CRTC3: variants seen among roughly 807,000 people sequenced by gnomAD.
CRTC3 encodes the protein CREB regulated transcription coactivator 3.
A neutral mutation model predicts 74.5 loss-of-function variants in CRTC3; 26 were observed. The ratio of observed to expected loss-of-function variants is 0.35; its 90% CI spans 0.26 to 0.48. The LOEUF is 0.48. CRTC3 is among the 20% of genes least tolerant of loss of function. CRTC3 has a pLI of 0.99. For synonymous variants in CRTC3, 377 were observed against 325.8 expected (o/e 1.16, Z -1.69); for missense variants, 760 against 787.3 (o/e 0.97, Z 0.41).
chr15:90,561,323 A>C (rs930674740), intron 2 of CRTC3, among the ~76,000 whole-genome samples: 2 of 152,224 alleles, frequency 1.3e-5, no homozygotes, highest in African/African-American at 2.4e-5. Flanking sequence ...ACCTAGGCCT[A>C]GAGAACTAAG....
At chr15:90,607,503 C>A in intron 6 of CRTC3, 25 bp downstream of exon 6, 2 of 1,390,088 alleles carry the variant, frequency 1.4e-6, no homozygotes, top group Non-Finnish European at 2.0e-6. Context: ...CCACTGCTGA[C>A]AGCAGCTGTG....
At chr15:90,612,649 C>A (rs1249030036) in intron 6 of CRTC3, among the ~76,000 whole-genome samples, 2 of 151,826 alleles carry the variant, frequency 1.3e-5, no homozygotes, top group African/African-American at 2.4e-5. Flanking sequence ...TAGTTTTTAA[C>A]AGGATAGTCA....
chr15:90,532,760 G>A (rs1966647867), intron 1 of CRTC3, among the ~76,000 whole-genome samples: 1 of 152,196 alleles, frequency 6.6e-6, no homozygotes, highest in South Asian at 2.1e-4. Flanking sequence ...AGGAGGAGGA[G>A]TTGAGTGGTG....
intron 1 of CRTC3, among the ~76,000 whole-genome samples, chr15:90,538,346 C>T (rs1265928497): frequency 6.6e-6 from 1 of 152,036 alleles, no homozygotes; most frequent in Non-Finnish European, 1.5e-5. Context: ...CCATGTCGTC[C>T]TCCTCATGTT....
chr15:90,552,303 C>T (rs951586452), intron 2 of CRTC3, among the ~76,000 whole-genome samples: 2 of 152,196 alleles, frequency 1.3e-5, no homozygotes, highest in Non-Finnish European at 2.9e-5. Context: ...GCTGCTCTGC[C>T]TTAAGCCACA....
At chr15:90,546,874 C>G (rs1017425689) in intron 2 of CRTC3, among the ~76,000 whole-genome samples, 2 of 152,180 alleles carry the variant, frequency 1.3e-5, no homozygotes, top group Non-Finnish European at 2.9e-5. Context: ...CCACCCGCCT[C>G]GGCCTCCCAG....
At chr15:90,612,058 G>GCCTCCA (rs1968373030) in intron 6 of CRTC3, among the ~76,000 whole-genome samples, 1 of 15,598 alleles carries the variant, frequency 6.4e-5, no homozygotes, top group African/African-American at 2.4e-4. Context: ...CTCCTCCTCC[G>GCCTCCA]CCTCCACCTC....
intron 2 of CRTC3, among the ~76,000 whole-genome samples, chr15:90,541,779 ATTCTTTTT>A (rs1268223421): frequency 1.9e-5 from 2 of 105,192 alleles, no homozygotes; most frequent in Non-Finnish European, 3.8e-5. Flanking sequence ...CCTTCCCAGG[ATTCTTTTT>A]TTCTTTTTTT....
At chr15:90,555,451 T>C (rs1171970902) in intron 2 of CRTC3, among the ~76,000 whole-genome samples, 2 of 152,172 alleles carry the variant, frequency 1.3e-5, no homozygotes, top group Admixed American at 6.5e-5. Context: ...TATGATAGAC[T>C]AGGAGGATAT....
intron 2 of CRTC3, among the ~76,000 whole-genome samples, chr15:90,584,117 A>C (rs1370363579): frequency 2.6e-5 from 4 of 152,092 alleles, no homozygotes; most frequent in African/African-American, 7.2e-5. Context: ...TGTCCTTTTT[A>C]AAAGAGGGGG....
At chr15:90,566,883 G>A (rs1967135348) in intron 2 of CRTC3, among the ~76,000 whole-genome samples, 1 of 151,884 alleles carries the variant, frequency 6.6e-6, no homozygotes, top group Non-Finnish European at 1.5e-5. Flanking sequence ...GCTAATTTTT[G>A]TATTTTTAGC....
Position 90,609,126 on chromosome 15 carries a change from G to T in CRTC3, c.577+1648G>T, listed in dbSNP as rs150825894. Among the ~76,000 whole-genome samples the T allele has an allele frequency of 2.7e-3, 409 of 152,294 alleles. 1 individual carries two copies. Among genetic ancestry groups the T allele is most frequent in the African/African-American group, 8.3e-3 (346 of 41,564 alleles). On this transcript the variant is annotated intron_variant, in intron 6 of 14. Coordinates refer to ENST00000268184, the MANE Select transcript of CRTC3 (RefSeq NM_022769.5). Reference sequence around the variant, plus strand: ...GCAGGGATAGTACTGAATAATAATTGTTGCTATATTTGTTCTATTGGTGCA... The same window carrying T: ...GCAGGGATAGTACTGAATAATAATTTTTGCTATATTTGTTCTATTGGTGCA...
At chr15:90,544,179 C>A (rs879272292) in intron 2 of CRTC3, among the ~76,000 whole-genome samples, 3 of 152,236 alleles carry the variant, frequency 2.0e-5, no homozygotes, top group Non-Finnish European at 4.4e-5. Context: ...TTCCTAGCTT[C>A]CGTGGTCTGC....
At chr15:90,611,139 G>T (rs776292841) in intron 6 of CRTC3, among the ~76,000 whole-genome samples, 1 of 152,200 alleles carries the variant, frequency 6.6e-6, no homozygotes, top group Non-Finnish European at 1.5e-5. Context: ...GGCAAAAAGA[G>T]TGTCACCCAG....
In CRTC3 at chr15:90,576,789, C is replaced by T. The variant is rs367890951; in HGVS notation, c.232-16847C>T. Among the ~76,000 whole-genome samples, 44 of 152,166 alleles carry T rather than the reference C, an allele frequency of 2.9e-4. 2 individuals are homozygous for T. In the South Asian group the frequency reaches 7.1e-3, roughly 24 times the overall value. On this transcript the variant is annotated intron_variant, in intron 2 of 14. Transcript: ENST00000268184. ...GAAAATGCCCATTTGGATTTAGTAG[C>T]GTGCAAAGTCTGTGGTTATCTTGGG...
At chr15:90,606,726 C>A (rs548542260) in intron 5 of CRTC3, 19 of 152,186 alleles carry the variant, frequency 1.2e-4, no homozygotes, top group African/African-American at 4.3e-4. Flanking sequence ...TAAATTATAT[C>A]TTTTTGAAAA....
At chr15:90,548,165 AG>A (rs34805107) in intron 2 of CRTC3, among the ~76,000 whole-genome samples, 52,617 of 152,016 alleles carry the variant, frequency 0.35, 10,269 homozygotes, top group Non-Finnish European at 0.45. Context: ...GTAGGATTAC[AG>A]GTGTGAGCCA....
intron 9 of CRTC3, among the ~76,000 whole-genome samples, chr15:90,624,004 G>A (rs1968740644): frequency 6.6e-6 from 1 of 152,118 alleles, no homozygotes; most frequent in Non-Finnish European, 1.5e-5. Context: ...GCCTCCCCAG[G>A]TCAGCTGGGC....
At chr15:90,617,024 C>G (rs1402629251) in intron 7 of CRTC3, among the ~76,000 whole-genome samples, 1 of 152,178 alleles carries the variant, frequency 6.6e-6, no homozygotes, top group Non-Finnish European at 1.5e-5. Flanking sequence ...CTTTGCCAAG[C>G]CTGCAGAGCC....
Sources: gnomAD v4.1 joint callset for allele counts (sites outside exome capture counted in the v4.1 genomes callset) on GRCh38, gnomAD v4.1.1 for gene constraint, MANE v1.5 for transcripts, NCBI Gene and HGNC (gene_info 2026-07-23, HGNC 2026-07-21) for gene names.